SLC38A9: variants seen among roughly 807,000 people sequenced by gnomAD.
The protein encoded by SLC38A9 is neutral amino acid transporter 9.
A neutral mutation model predicts 62.3 loss-of-function variants in SLC38A9; 48 were observed. That is an observed-to-expected ratio of 0.77 (90% confidence interval 0.61 to 0.98). The LOEUF is 0.98. Ranked by LOEUF, SLC38A9 falls within the 50% of genes least tolerant of loss-of-function variation. The pLI is 0.00. For synonymous variants in SLC38A9, 204 were observed against 227.7 expected, an observed-to-expected ratio of 0.90 and a Z score of 0.94; for missense variants, 541 against 679.8, an observed-to-expected ratio of 0.80 and a Z score of 2.27.
At chr5:55,670,600 T>C (rs191704214) in intron 4 of SLC38A9, among the ~76,000 whole-genome samples, 6 of 152,368 alleles carry the variant, frequency 3.9e-5, no homozygotes, top group Admixed American at 3.9e-4. Context: ...CATCACTGTT[T>C]ATATATTTTG....
intron 11 of SLC38A9, 76 bp from the exon 12 acceptor site, chr5:55,645,971 TAAA>T: frequency 1.2e-6 from 1 of 861,592 alleles, no homozygotes; most frequent in Non-Finnish European, 1.9e-6. Flanking sequence ...AGTTGACTAC[TAAA>T]AATCAGTTGT....
chr5:55,660,552 T>C (rs1749345250), intron 8 of SLC38A9, among the ~76,000 whole-genome samples: 1 of 152,258 alleles, frequency 6.6e-6, no homozygotes, highest in Non-Finnish European at 1.5e-5. Context: ...GATGTATGTA[T>C]GTATAATTAA....
chr5:55,674,036 C>A (rs6875915), intron 3 of SLC38A9, among the ~76,000 whole-genome samples: 82,568 of 151,624 alleles, frequency 0.54, 23,811 homozygotes, highest in South Asian at 0.65. Flanking sequence ...GTGGGAAGTA[C>A]TTGAAAAGCC....
chr5:55,663,106 G>A (rs1749882900), intron 8 of SLC38A9, among the ~76,000 whole-genome samples: 1 of 151,562 alleles, frequency 6.6e-6, no homozygotes, highest in African/African-American at 2.4e-5. Flanking sequence ...TGTTGGCCGG[G>A]CTGGTCTTGA....
chr5:55,635,426 AGAGATG>A, intron 13 of SLC38A9, 112 bp downstream of exon 13: 1 of 749,506 alleles, frequency 1.3e-6, no homozygotes, highest in Non-Finnish European at 2.4e-6. Context: ...AGTAGATAGC[AGAGATG>A]GTATTAAAAC....
chr5:55,661,624 A>T (rs552854781), intron 8 of SLC38A9, among the ~76,000 whole-genome samples: 1 of 152,266 alleles, frequency 6.6e-6, no homozygotes, highest in East Asian at 1.9e-4. Context: ...TTCTGATTGG[A>T]ATTTTGTGGA....
intron 9 of SLC38A9, among the ~76,000 whole-genome samples, chr5:55,655,324 C>A (rs1748210180): frequency 6.6e-6 from 1 of 152,086 alleles, no homozygotes; most frequent in Admixed American, 6.6e-5. Flanking sequence ...ATTTATTACC[C>A]TAATGATGAA....
chr5:55,638,259 T>A (rs542442235), intron 12 of SLC38A9, among the ~76,000 whole-genome samples: 1 of 152,308 alleles, frequency 6.6e-6, no homozygotes, highest in South Asian at 2.1e-4. Context: ...GCTTTGCTAT[T>A]CTCTGGCTCA....
chr5:55,685,450 T>C (rs1250161488), intron 3 of SLC38A9, among the ~76,000 whole-genome samples: 1 of 152,214 alleles, frequency 6.6e-6, no homozygotes, highest in Non-Finnish European at 1.5e-5. Flanking sequence ...GACATTTGAG[T>C]TGTTTCCACT....
At chr5:55,669,980 T>C in intron 4 of SLC38A9, 101 bp from the exon 5 acceptor site, 1 of 1,155,590 alleles carries the variant, frequency 8.7e-7, no homozygotes, top group Non-Finnish European at 1.2e-6. Flanking sequence ...TTTTTTTTTC[T>C]TTTGAACGGA....
chr5:55,669,576 A>C lies in SLC38A9; in HGVS notation c.413T>G (p.Ile138Ser). The change falls in exon 6 of 16, where the codon ATT becomes AGT. Residue 138 changes from isoleucine (I) to serine (S), a missense_variant. Coordinates refer to ENST00000396865, the MANE Select transcript of SLC38A9 (RefSeq NM_173514.4). ...NTMMGTSILS[I>S]PWGIKQAGFT... ...TATTACCTGTTTTATGCCCCAAGGA[A>C]TGCTTAGTATAGATGTTCCCATCAT... 6.2e-7 allele frequency: 1 copy of C among 1,609,216 alleles called. No individual in the cohort carries two copies. Among genetic ancestry groups the C allele is most frequent in the Non-Finnish European group, 8.5e-7 (1 of 1,177,272 alleles).
chr5:55,642,500 TA>T (rs1244589677), intron 12 of SLC38A9, among the ~76,000 whole-genome samples: 1 of 152,214 alleles, frequency 6.6e-6, no homozygotes, highest in Non-Finnish European at 1.5e-5. Flanking sequence ...ACTTTGGTGG[TA>T]AAGTTTGAGA....
intron 2 of SLC38A9, among the ~76,000 whole-genome samples, chr5:55,698,227 T>C (rs1324519553): frequency 6.6e-6 from 1 of 150,950 alleles, no homozygotes; most frequent in Non-Finnish European, 1.5e-5. Context: ...TAAAACAGAT[T>C]AGGCTATTCG....
intron 3 of SLC38A9, among the ~76,000 whole-genome samples, chr5:55,683,152 C>G (rs1753270259): frequency 6.6e-6 from 1 of 152,124 alleles, no homozygotes; most frequent in Non-Finnish European, 1.5e-5. Context: ...ACTATGTGAT[C>G]TCACCTAAAA....
intron 15 of SLC38A9, among the ~76,000 whole-genome samples, chr5:55,627,093 A>C (rs557779560): frequency 1.4e-3 from 208 of 152,320 alleles, no homozygotes; most frequent in African/African-American, 4.9e-3. Context: ...ATTACGAAAG[A>C]TAATAACAAA....
intron 12 of SLC38A9, among the ~76,000 whole-genome samples, chr5:55,644,300 A>G (rs13188656): frequency 6.6e-6 from 1 of 151,650 alleles, no homozygotes; most frequent in African/African-American, 2.4e-5. Context: ...TAATGTAATT[A>G]TCAATACAAT....
At chr5:55,693,209 AC>A (rs1754986629) in intron 3 of SLC38A9, 1 of 154,992 alleles carries the variant, frequency 6.5e-6, no homozygotes, top group Non-Finnish European at 1.4e-5. Flanking sequence ...CAACCATCTT[AC>A]AGTTTCCTAT....
chr5:55,652,475 C>T, intron 10 of SLC38A9, 54 bp downstream of exon 10: 2 of 1,124,642 alleles, frequency 1.8e-6, no homozygotes, highest in Non-Finnish European at 2.4e-6. Flanking sequence ...TTTCCCTAGA[C>T]TCCACCACGT....
chr5:55,656,858 A>ATTT, intron 8 of SLC38A9, 84 bp from the exon 9 acceptor site: 2 of 491,112 alleles, frequency 4.1e-6, no homozygotes, highest in African/African-American at 7.6e-5. Context: ...ATTTATAAAA[A>ATTT]TCTTTTTTTT....
Sources: allele counts gnomAD v4.1 joint callset (sites outside exome capture counted in the v4.1 genomes callset), GRCh38; gene constraint gnomAD v4.1.1; transcripts MANE v1.5; gene names NCBI Gene and HGNC (gene_info 2026-07-23, HGNC 2026-07-21).